Variants in CACNA1C observed in about 807,000 individuals in gnomAD.
CACNA1C encodes the protein voltage-dependent L-type calcium channel subunit alpha-1C.
In CACNA1C, 30 loss-of-function variants were observed where a neutral mutation model predicts 229.0. That is an observed-to-expected ratio of 0.13 (90% CI 0.10 to 0.18). The LOEUF (loss-of-function observed/expected upper bound fraction) is 0.18. Ranked by LOEUF, CACNA1C falls within the 10% of genes least tolerant of loss-of-function variation. CACNA1C has a pLI of 1.00. For synonymous variants in CACNA1C, 1,114 were observed against 1,132.5 expected (o/e 0.98, Z 0.33); for missense variants, 1,658 against 2,845.0 (o/e 0.58, Z 9.49).
At chr12:2,525,037 T>G (rs1480098218) in intron 9 of CACNA1C, among the ~76,000 whole-genome samples, 1 of 152,152 alleles carries the variant, frequency 6.6e-6, no homozygotes, top group Non-Finnish European at 1.5e-5. Context: ...TGCACATGTT[T>G]CATGGTGATT....
At chr12:2,645,396 T>C (rs958612851) in intron 30 of CACNA1C, among the ~76,000 whole-genome samples, 7 of 152,162 alleles carry the variant, frequency 4.6e-5, no homozygotes, top group Non-Finnish European at 1.0e-4. Context: ...ACCAACAAAT[T>C]CTGAATTTAC....
At chr12:2,604,455 C>A (rs573670439) in intron 22 of CACNA1C, among the ~76,000 whole-genome samples, 17 of 152,214 alleles carry the variant, frequency 1.1e-4, no homozygotes, top group African/African-American at 1.4e-4. Context: ...GAGATAAACA[C>A]TAAGAAATCT....
Position 2,682,630 on chromosome 12 carries a change from A to C in CACNA1C, c.5525A>C (p.Asn1842Thr), listed in dbSNP as rs886049207. The change falls in exon 43 of 47, where the codon AAC becomes ACC. Residue 1842 changes from asparagine (N) to threonine (T), a missense_variant. Coordinates refer to ENST00000399655, the MANE Select transcript of CACNA1C (RefSeq NM_000719.7). Reference protein sequence around the residue: ...SQDETYEVKMNHDTEACSEPS... With the variant: ...SQDETYEVKMTHDTEACSEPS... ...GATGAGACCTATGAAGTGAAGATGA[A>C]CCATGACACGGAGGCCTGCAGTGAG... 1 of 1,612,322 alleles carries C rather than the reference A, an allele frequency of 6.2e-7. No individual in the cohort carries two copies. The highest frequency in any genetic ancestry group is 1.3e-5 in the African/African-American group (1 of 74,820).
At chr12:2,405,456 G>A (rs1160934601) in intron 3 of CACNA1C, among the ~76,000 whole-genome samples, 1 of 151,930 alleles carries the variant, frequency 6.6e-6, no homozygotes, top group East Asian at 1.9e-4. Context: ...CTACTTATTT[G>A]TTCTCCATCT....
intron 4 of CACNA1C, among the ~76,000 whole-genome samples, chr12:2,450,075 C>T (rs1019381365): frequency 6.6e-6 from 1 of 152,114 alleles, no homozygotes; most frequent in Non-Finnish European, 1.5e-5. Flanking sequence ...CCCCCAGACA[C>T]CCTGCTCCAC....
intron 3 of CACNA1C, among the ~76,000 whole-genome samples, chr12:2,385,897 G>C (rs1033405075): frequency 2.6e-5 from 4 of 152,224 alleles, no homozygotes; most frequent in Non-Finnish European, 4.4e-5. Flanking sequence ...GCTGGAACCA[G>C]CCCCAGCGAC....
intron 3 of CACNA1C, among the ~76,000 whole-genome samples, chr12:2,148,783 C>G (rs935777765): frequency 7.0e-6 from 1 of 142,998 alleles, no homozygotes; most frequent in African/African-American, 2.5e-5. Flanking sequence ...CGGGCTCAAG[C>G]TGTCCTCCTG....
Position 2,666,639 on chromosome 12 carries a change from G to C in CACNA1C, c.4527-47G>C, listed in dbSNP as rs1008110385. ...GCATGCGTCCTGGGCTGCTGGCAGA[G>C]ACCGTGGCTCTCTGATGCCCTGTCC... On this transcript the variant is annotated intron_variant, in intron 36 of 46. Coordinates refer to ENST00000399655, the MANE Select transcript of CACNA1C (RefSeq NM_000719.7). The surrounding 1 kb of genome is among the most constrained non-coding windows in gnomAD (Gnocchi z 5.3). 4 of 1,280,272 alleles carry C rather than the reference G, an allele frequency of 3.1e-6. No individual in the cohort carries two copies. In the Admixed American group the frequency reaches 7.9e-5, roughly 25 times the overall value. 79.3% of individuals were successfully genotyped at this position (1,280,272 alleles called of 1,614,324 possible). A position where few individuals can be genotyped will look rare whatever the true frequency, so the allele number is the denominator to read the frequency against.
intron 3 of CACNA1C, among the ~76,000 whole-genome samples, chr12:2,384,229 G>A (rs2098326084): frequency 6.6e-6 from 1 of 152,226 alleles, no homozygotes; most frequent in Non-Finnish European, 1.5e-5. Context: ...TTACTGTACT[G>A]TCTTTGTGTA....
intron 3 of CACNA1C, among the ~76,000 whole-genome samples, chr12:2,280,694 A>G (rs1191753311): frequency 7.9e-4 from 43 of 54,626 alleles, no homozygotes; most frequent in South Asian, 4.5e-3. Context: ...GCTTCGGTTT[A>G]ACCTCTTGAT....
intron 3 of CACNA1C, among the ~76,000 whole-genome samples, chr12:2,438,388 G>GATA (rs1170854068): frequency 6.9e-6 from 1 of 145,580 alleles, no homozygotes; most frequent in Admixed American, 6.9e-5. Flanking sequence ...TGGTGGTCAT[G>GATA]GTAGTCATGG....
At chr12:2,244,505 T>C (rs2072138600) in intron 3 of CACNA1C, among the ~76,000 whole-genome samples, 1 of 152,216 alleles carries the variant, frequency 6.6e-6, no homozygotes, top group African/African-American at 2.4e-5. Flanking sequence ...GTCCCAGCAG[T>C]AGTTCAGGAT....
chr12:2,369,565 A>AT (rs1208932637), intron 3 of CACNA1C, among the ~76,000 whole-genome samples: 56 of 149,258 alleles, frequency 3.8e-4, no homozygotes, highest in Admixed American at 1.0e-3. Context: ...CAACCAGCTA[A>AT]TTTTTTTTTT....
chr12:2,571,654 G>A (rs2054500297), intron 13 of CACNA1C, among the ~76,000 whole-genome samples: 1 of 152,178 alleles, frequency 6.6e-6, no homozygotes, highest in Non-Finnish European at 1.5e-5. Flanking sequence ...AGGAGTAGTA[G>A]TATTTTCAGA....
intron 22 of CACNA1C, among the ~76,000 whole-genome samples, chr12:2,604,854 T>C (rs756940232): frequency 2.6e-5 from 4 of 152,116 alleles, no homozygotes; most frequent in Non-Finnish European, 5.9e-5. Context: ...TTGCATATTA[T>C]TTAGTCACCC....
In CACNA1C at chr12:2,630,968, T is replaced by C. The variant is rs149395228; in HGVS notation, c.3829-3329T>C. Among the ~76,000 whole-genome samples, 1 of 152,278 alleles carries C rather than the reference T, an allele frequency of 6.6e-6. No homozygotes were observed. The highest frequency in any genetic ancestry group is 1.5e-5 in the Non-Finnish European group (1 of 68,030). ...TCAAGAAAGAGGGGGCTGTGCCTTC[T>C]GTCTGCACATATACAAAGAAATCTG... On this transcript the variant is annotated intron_variant, in intron 29 of 46. Coordinates refer to ENST00000399655, the MANE Select transcript of CACNA1C (RefSeq NM_000719.7). This position sits in a 1 kb window ranked among gnomAD's most constrained non-coding sequence, Gnocchi z 5.4.
chr12:2,097,302 C>T (rs189605522), intron 1 of CACNA1C, among the ~76,000 whole-genome samples: 133 of 152,118 alleles, frequency 8.7e-4, no homozygotes, highest in African/African-American at 1.9e-3. Flanking sequence ...CCTGCCACCA[C>T]GCCCAGCTAA....
intron 3 of CACNA1C, among the ~76,000 whole-genome samples, chr12:2,377,131 G>A (rs988516813): frequency 6.6e-6 from 1 of 152,268 alleles, no homozygotes; most frequent in East Asian, 1.9e-4. Context: ...GAAGGGCTGG[G>A]ACACGGCCAA....
intron 30 of CACNA1C, among the ~76,000 whole-genome samples, chr12:2,636,605 T>A (rs1167472954): frequency 6.6e-6 from 1 of 152,166 alleles, no homozygotes; most frequent in East Asian, 1.9e-4. Context: ...GATGGAGAGA[T>A]TAAGTACCTT....
Sources: gnomAD v4.1 joint callset for allele counts (sites outside exome capture counted in the v4.1 genomes callset) on GRCh38, gnomAD v4.1.1 for gene constraint, Gnocchi (gnomAD v3.1) non-coding constraint, MANE v1.5 for transcripts, NCBI Gene and HGNC (gene_info 2026-07-23, HGNC 2026-07-21) for gene names.